Variants in GTF2E2 observed in about 807,000 individuals in gnomAD.
The protein encoded by GTF2E2 is transcription initiation factor IIE subunit beta.
In GTF2E2, 21 loss-of-function variants were observed where a neutral mutation model predicts 40.5. The observed-to-expected ratio is 0.52, with a 90% confidence interval of 0.37 to 0.75. GTF2E2 has a LOEUF of 0.75. Ranked by LOEUF, GTF2E2 falls within the 30% of genes least tolerant of loss-of-function variation. The probability of loss-of-function intolerance (pLI) is 0.00; values close to 1 mark genes in which losing one functional copy is unlikely to be tolerated. For missense variants in GTF2E2, 298 were observed against 338.4 expected, an observed-to-expected ratio of 0.88 and a Z score of 0.94; for synonymous variants, 117 against 121.6, an observed-to-expected ratio of 0.96 and a Z score of 0.25.
intron 2 of GTF2E2, among the ~76,000 whole-genome samples, chr8:30,635,743 T>C (rs1479206569): frequency 6.6e-6 from 1 of 152,044 alleles, no homozygotes; most frequent in Non-Finnish European, 1.5e-5. Context: ...TAATCAGAAG[T>C]ACACTTTATT....
intron 2 of GTF2E2, among the ~76,000 whole-genome samples, chr8:30,641,467 A>G (rs1033964780): frequency 6.6e-6 from 1 of 152,160 alleles, no homozygotes; most frequent in African/African-American, 2.4e-5. Context: ...GGCTCAAGCT[A>G]TCCCCCCACC....
At chr8:30,655,211 A>AT (rs1802415807) in intron 1 of GTF2E2, among the ~76,000 whole-genome samples, 1 of 151,720 alleles carries the variant, frequency 6.6e-6, no homozygotes. Context: ...AAAAAAAAAA[A>AT]GTCTACAGAA....
intron 6 of GTF2E2, among the ~76,000 whole-genome samples, chr8:30,599,589 A>AAC (rs1829113912): frequency 7.5e-6 from 1 of 132,726 alleles, no homozygotes; most frequent in African/African-American, 3.1e-5. Flanking sequence ...ACAAAAAAAA[A>AAC]AAAAAAACTT....
At chr8:30,621,644 T>C (rs2151136019) in intron 3 of GTF2E2, among the ~76,000 whole-genome samples, 1 of 152,232 alleles carries the variant, frequency 6.6e-6, no homozygotes, top group African/African-American at 2.4e-5. Flanking sequence ...CACTTTCTTA[T>C]TTTTTTATTG....
At chr8:30,651,292 C>T (rs1166985727) in intron 2 of GTF2E2, among the ~76,000 whole-genome samples, 2 of 151,670 alleles carry the variant, frequency 1.3e-5, no homozygotes, top group African/African-American at 2.4e-5. Flanking sequence ...CATAGAAAAT[C>T]CTAGGGAAAC....
chr8:30,626,153 C>G, intron 3 of GTF2E2, among the ~76,000 whole-genome samples: 1 of 152,198 alleles, frequency 6.6e-6, no homozygotes, highest in East Asian at 1.9e-4. Context: ...CTGCTTCTTA[C>G]CACTCTGAAA....
chr8:30,589,770 C>T (rs1406204353), intron 6 of GTF2E2, among the ~76,000 whole-genome samples: 4 of 151,046 alleles, frequency 2.6e-5, no homozygotes, highest in African/African-American at 9.8e-5. Flanking sequence ...CTTGGCAGCA[C>T]TTGCTGTTCT....
intron 6 of GTF2E2, among the ~76,000 whole-genome samples, chr8:30,595,373 A>C (rs1289042187): frequency 6.6e-6 from 1 of 152,208 alleles, no homozygotes; most frequent in Non-Finnish European, 1.5e-5. Flanking sequence ...TTAAATAATA[A>C]AAACTCTATC....
At chr8:30,603,816 T>C (rs1386998662) in intron 6 of GTF2E2, among the ~76,000 whole-genome samples, 1 of 151,990 alleles carries the variant, frequency 6.6e-6, no homozygotes, top group Admixed American at 6.6e-5. Flanking sequence ...AAATAAGTAG[T>C]TCACAAAGAA....
chr8:30,637,743 G>A (rs975253231), intron 2 of GTF2E2, among the ~76,000 whole-genome samples: 14 of 152,128 alleles, frequency 9.2e-5, no homozygotes, highest in Non-Finnish European at 2.9e-5. Flanking sequence ...GGCTGGTCTT[G>A]AACTCCTGAC....
intron 6 of GTF2E2, among the ~76,000 whole-genome samples, chr8:30,586,254 G>T (rs559065420): frequency 6.6e-6 from 1 of 152,218 alleles, no homozygotes; most frequent in South Asian, 2.1e-4. Context: ...TCATCTTCTA[G>T]TGATCTTACA....
At chr8:30,635,513 G>C (rs867099841) in intron 2 of GTF2E2, among the ~76,000 whole-genome samples, 10 of 152,006 alleles carry the variant, frequency 6.6e-5, no homozygotes, top group Middle Eastern at 3.2e-3. Flanking sequence ...CTTCTGAGAG[G>C]CTGGGACTAC....
At chr8:30,591,932 T>C (rs1222126513) in intron 6 of GTF2E2, among the ~76,000 whole-genome samples, 2 of 152,198 alleles carry the variant, frequency 1.3e-5, no homozygotes, top group African/African-American at 2.4e-5. Flanking sequence ...TTTTTTTTTT[T>C]ACTATAAGCA....
intron 1 of GTF2E2, among the ~76,000 whole-genome samples, chr8:30,657,214 C>A (rs529779653): frequency 2.6e-5 from 4 of 152,118 alleles, no homozygotes; most frequent in Non-Finnish European, 5.9e-5. Context: ...TCTCTGGACC[C>A]CCCTATGGAG....
chr8:30,654,080 C>T (rs1290227341), intron 1 of GTF2E2, among the ~76,000 whole-genome samples: 2 of 84,876 alleles, frequency 2.4e-5, no homozygotes, highest in East Asian at 3.4e-4. Context: ...CAGACCAAGA[C>T]CCTTGTTCAA....
intron 2 of GTF2E2, among the ~76,000 whole-genome samples, chr8:30,640,026 T>G (rs1801757286): frequency 6.6e-6 from 1 of 152,186 alleles, no homozygotes; most frequent in Admixed American, 6.5e-5. Context: ...TCAGGTAAAC[T>G]GTCAACAGAA....
chr8:30,644,383 A>G (rs1801980823), intron 2 of GTF2E2: 1 of 152,234 alleles, frequency 6.6e-6, no homozygotes, highest in Non-Finnish European at 1.5e-5. Context: ...TATCATTTAT[A>G]ACCCCAAGAT....
In GTF2E2 at chr8:30,635,131, T is replaced by A. The variant is rs755911326; in HGVS notation, c.167-8A>T. On this transcript the variant is annotated splice_region_variant and splice_polypyrimidine_tract_variant and intron_variant, in intron 2 of 7. Coordinates refer to ENST00000355904, the MANE Select transcript of GTF2E2 (RefSeq NM_002095.6). ...ATGATCCATTGCTATGATCTGCAAA[T>A]GAAGTTCAAAATAACATCGTCATAT... is the stretch of plus-strand genomic sequence containing the variant. 6.0e-6 allele frequency: 9 copies of A among 1,512,120 alleles called. No individual in the cohort carries two copies. In the Admixed American group the frequency reaches 1.5e-4, roughly 26 times the overall value. The allele number at this position is 1,512,120 out of a possible 1,614,324, so 93.7% of individuals were successfully genotyped here.
intron 5 of GTF2E2, among the ~76,000 whole-genome samples, chr8:30,611,456 C>T (rs950769530): frequency 4.6e-5 from 7 of 151,280 alleles, no homozygotes; most frequent in African/African-American, 1.7e-4. Context: ...ATACTTGTCA[C>T]GAATGGAAAA....
Sources: allele counts gnomAD v4.1 joint callset (sites outside exome capture counted in the v4.1 genomes callset), GRCh38; gene constraint gnomAD v4.1.1; transcripts MANE v1.5; gene names NCBI Gene and HGNC (gene_info 2026-07-23, HGNC 2026-07-21).